PIP4K2A: variants seen among roughly 807,000 people sequenced by gnomAD.
The protein encoded by PIP4K2A is phosphatidylinositol 5-phosphate 4-kinase type-2 alpha.
Under a neutral mutation model 42.9 loss-of-function variants are expected in PIP4K2A, and 14 were observed. That is an observed-to-expected ratio of 0.33 (90% CI 0.22 to 0.51). PIP4K2A has a LOEUF of 0.51. Ranked by LOEUF, PIP4K2A falls within the 20% of genes least tolerant of loss-of-function variation. The probability of loss-of-function intolerance (pLI) is 0.97; values close to 1 mark genes in which losing one functional copy is unlikely to be tolerated. For synonymous variants in PIP4K2A, 192 were observed against 192.2 expected (o/e 1.00, Z 0.01); for missense variants, 434 against 519.8 (o/e 0.83, Z 1.61).
At chr10:22,609,785 G>T in intron 1 of PIP4K2A, 68 bp from the exon 2 acceptor site, 2 of 906,692 alleles carry the variant, frequency 2.2e-6, no homozygotes, top group South Asian at 1.5e-5. Context: ...ACTTGAATGT[G>T]TACCTTGGGA....
chr10:22,543,634 C>A (rs1836184499), intron 7 of PIP4K2A, among the ~76,000 whole-genome samples: 1 of 152,214 alleles, frequency 6.6e-6, no homozygotes, highest in African/African-American at 2.4e-5. Flanking sequence ...TCCTTTCCAG[C>A]AGTCAGAGAC....
chr10:22,600,465 G>T (rs12773197), intron 3 of PIP4K2A, among the ~76,000 whole-genome samples: 6,309 of 152,210 alleles, frequency 0.041, 168 homozygotes, highest in Non-Finnish European at 0.061. Flanking sequence ...TATGGATGAG[G>T]AAACTGAGAC....
chr10:22,569,469 C>A (rs769795302), intron 5 of PIP4K2A, among the ~76,000 whole-genome samples: 1 of 152,196 alleles, frequency 6.6e-6, no homozygotes, highest in Non-Finnish European at 1.5e-5. Flanking sequence ...TACTTTCCTT[C>A]CTTTAGGGAT....
rs1345389035 is a variant in PIP4K2A, at chr10:22,573,311, C to CT, written c.638dup (p.Ser215LeufsTer5). 6.2e-7 allele frequency: 1 copy of CT among 1,612,614 alleles called. No homozygotes were observed. The highest frequency in any genetic ancestry group is 1.3e-5 in the African/African-American group (1 of 74,868). ...CAAAAATTCATAAAATCAGTCTCACCTTTAAGTCGTATTTCCTATACACAG... is the reference window on the plus strand; with the variant it reads ...CAAAAATTCATAAAATCAGTCTCACCTTTTAAGTCGTATTTCCTATACACAG... On this transcript the variant is annotated frameshift_variant and splice_region_variant, in exon 5 of 10. Coordinates refer to ENST00000376573, the MANE Select transcript of PIP4K2A (RefSeq NM_005028.5). LOFTEE classifies it high-confidence loss of function.
At chr10:22,546,823 C>T (rs974834144) in intron 7 of PIP4K2A, among the ~76,000 whole-genome samples, 4 of 152,108 alleles carry the variant, frequency 2.6e-5, no homozygotes, top group African/African-American at 7.2e-5. Context: ...AGAAAGGGGG[C>T]GTGGGCTTCA....
At chr10:22,557,389 AAG>A (rs1836579982) in intron 6 of PIP4K2A, among the ~76,000 whole-genome samples, 1 of 152,230 alleles carries the variant, frequency 6.6e-6, no homozygotes, top group African/African-American at 2.4e-5. Context: ...CCAAATGACT[AAG>A]AACTTTTGCA....
At chr10:22,575,265 T>C (rs984628099) in intron 4 of PIP4K2A, among the ~76,000 whole-genome samples, 1 of 152,194 alleles carries the variant, frequency 6.6e-6, no homozygotes, top group African/African-American at 2.4e-5. Context: ...CCAACTGACA[T>C]ACAGACATGT....
intron 1 of PIP4K2A, among the ~76,000 whole-genome samples, chr10:22,704,693 C>T (rs1833785182): frequency 7.0e-6 from 1 of 143,054 alleles, no homozygotes; most frequent in Non-Finnish European, 1.5e-5. Flanking sequence ...CACGAGAAGA[C>T]ACTAAAATGA....
intron 6 of PIP4K2A, among the ~76,000 whole-genome samples, chr10:22,559,425 G>A (rs1207636113): frequency 6.6e-6 from 1 of 152,168 alleles, no homozygotes; most frequent in Non-Finnish European, 1.5e-5. Flanking sequence ...AATGAGAGCT[G>A]ATGAAGCACC....
At chr10:22,703,428 T>A (rs1833753881) in intron 1 of PIP4K2A, among the ~76,000 whole-genome samples, 1 of 151,558 alleles carries the variant, frequency 6.6e-6, no homozygotes, top group Non-Finnish European at 1.5e-5. Context: ...AATAAATAAA[T>A]AAAAGAGGGA....
At chr10:22,646,617 C>T (rs1036288715) in intron 1 of PIP4K2A, among the ~76,000 whole-genome samples, 4 of 152,096 alleles carry the variant, frequency 2.6e-5, no homozygotes, top group Non-Finnish European at 4.4e-5. Flanking sequence ...GTTTAGAAGG[C>T]TAATTTGGTT....
At chr10:22,683,583 C>T (rs899122101) in intron 1 of PIP4K2A, among the ~76,000 whole-genome samples, 5 of 152,076 alleles carry the variant, frequency 3.3e-5, no homozygotes, top group African/African-American at 9.7e-5. Context: ...TGTCAACTGT[C>T]GAAAACAAGT....
chr10:22,615,045 C>T (rs1207032941), intron 1 of PIP4K2A, among the ~76,000 whole-genome samples: 1 of 152,134 alleles, frequency 6.6e-6, no homozygotes, highest in African/African-American at 2.4e-5. Flanking sequence ...CTACCTAGAC[C>T]AACCATTCTA....
chr10:22,574,574 A>T (rs765638482), intron 4 of PIP4K2A, among the ~76,000 whole-genome samples: 1 of 152,110 alleles, frequency 6.6e-6, no homozygotes. Context: ...TAAGAATGAA[A>T]AAGTCTTTGG....
chr10:22,551,472 T>C (rs964703044), intron 6 of PIP4K2A, among the ~76,000 whole-genome samples: 5 of 152,238 alleles, frequency 3.3e-5, no homozygotes, highest in Admixed American at 6.5e-5. Flanking sequence ...ACTGCACTTA[T>C]GGCAACCAAC....
At chr10:22,699,356 G>C (rs1269421523) in intron 1 of PIP4K2A, among the ~76,000 whole-genome samples, 2 of 152,034 alleles carry the variant, frequency 1.3e-5, no homozygotes, top group East Asian at 1.9e-4. Context: ...CTGTGGACTT[G>C]GTCTAAGAGA....
chr10:22,676,332 G>A (rs913432940), intron 1 of PIP4K2A, among the ~76,000 whole-genome samples: 8 of 152,178 alleles, frequency 5.3e-5, no homozygotes, highest in Admixed American at 2.6e-4. Context: ...GTTGTTCACA[G>A]TGATGACCTA....
rs1411175421 is a variant in PIP4K2A, at chr10:22,541,899, G to T, written c.941C>A (p.Pro314Gln). The change falls in exon 8 of 10, where the codon CCA (proline) becomes CAA (glutamine). Residue 314 changes from proline to glutamine, a missense_variant. Physicochemically the swap from Pro to Gln is moderately conservative, Grantham distance 76. This residue lies in a region of PIP4K2A where 395 missense variants were observed against 444.5 expected (regional missense o/e 0.89). Coordinates refer to ENST00000376573, the MANE Select transcript of PIP4K2A (RefSeq NM_005028.5). ...GTTCAGTGTATTCCCGGGGCTATCT[G>T]GGGGGGTTCCCACCGGGTGGGTGCC... ...SDGTHPVGTP[P>Q]DSPGNTLNSS... 4 of 1,613,030 alleles carry T rather than the reference G, an allele frequency of 2.5e-6. No individual in the cohort carries two copies. In the South Asian group the frequency reaches 3.3e-5, roughly 13 times the overall value.
At chr10:22,625,294 C>T (rs887282275) in intron 1 of PIP4K2A, among the ~76,000 whole-genome samples, 2 of 152,130 alleles carry the variant, frequency 1.3e-5, no homozygotes, top group Non-Finnish European at 2.9e-5. Context: ...ATTAGTTTTA[C>T]TGCTTTCATG....
Sources: allele counts gnomAD v4.1 joint callset (sites outside exome capture counted in the v4.1 genomes callset), GRCh38; gene constraint gnomAD v4.1.1; regional missense constraint gnomAD v4.1.1; transcripts MANE v1.5; gene names NCBI Gene and HGNC (gene_info 2026-07-23, HGNC 2026-07-21).